Variants in TRPM4 observed in about 807,000 individuals in gnomAD.
TRPM4 encodes calcium-activated non-selective cation channel 1.
TRPM4 carries 124 observed loss-of-function variants against 135.6 expected under a neutral mutation model. The observed-to-expected ratio is 0.91, with a 90% confidence interval of 0.79 to 1.06. The LOEUF (loss-of-function observed/expected upper bound fraction) is 1.06, where lower values mean the gene tolerates loss of function less well. TRPM4 is among the 50% of genes least tolerant of loss of function. TRPM4 has a pLI of 0.00. For missense variants in TRPM4, 1,658 were observed against 1,671.4 expected (o/e 0.99, Z 0.14); for synonymous variants, 745 against 705.6 (o/e 1.06, Z -0.88).
chr19:49,176,805 C>T (rs917220520), intron 9 of TRPM4, among the ~76,000 whole-genome samples: 2 of 152,134 alleles, frequency 1.3e-5, no homozygotes, highest in African/African-American at 4.8e-5. Context: ...GAGCCAAGAT[C>T]GTGCCACTGC....
chr19:49,177,495 T>C (rs1418128852), intron 9 of TRPM4, among the ~76,000 whole-genome samples: 2 of 151,722 alleles, frequency 1.3e-5, no homozygotes, highest in Non-Finnish European at 2.9e-5. Context: ...GCCTGGCTAA[T>C]GTTTGTATTT....
At chr19:49,209,387 G>C (rs1969266854) in intron 20 of TRPM4, among the ~76,000 whole-genome samples, 2 of 152,128 alleles carry the variant, frequency 1.3e-5, no homozygotes, top group Admixed American at 1.3e-4. Flanking sequence ...CACCAGCACA[G>C]CCATCTGGTT....
At chr19:49,177,724 T>G (rs941919241) in intron 9 of TRPM4, among the ~76,000 whole-genome samples, 2 of 152,132 alleles carry the variant, frequency 1.3e-5, no homozygotes, top group Non-Finnish European at 2.9e-5. Flanking sequence ...GCAAGGATTA[T>G]CACCCCATTT....
In TRPM4 at chr19:49,206,735, G is replaced by A. The variant is rs145068761; in HGVS notation, c.3132-3474G>A. Among the ~76,000 whole-genome samples the A allele has an allele frequency of 4.2e-3, 644 of 152,260 alleles. 7 individuals are homozygous for A. The highest frequency in any genetic ancestry group is 0.014 in the African/African-American group (596 of 41,556). ...ATTACAGGTGTGAGCCACCGCGCCC[G>A]GCCAGTTGTTGGAATTTTCCGAGGG... On this transcript the variant is annotated intron_variant, in intron 20 of 24. Coordinates refer to ENST00000252826, the MANE Select transcript of TRPM4 (RefSeq NM_017636.4).
intron 12 of TRPM4, 63 bp from the exon 13 acceptor site, chr19:49,188,578 T>C: frequency 1.9e-6 from 3 of 1,612,850 alleles, no homozygotes; most frequent in Non-Finnish European, 2.5e-6. Flanking sequence ...TTCCCTTGAC[T>C]TCAGGCTTCC....
chr19:49,200,411 G>A lies in TRPM4; in HGVS notation c.2757G>A (p.Lys919=), dbSNP rs747014449. The A allele has an allele frequency of 6.3e-7, 1 of 1,591,112 alleles. No individual in the cohort carries two copies. The highest frequency in any genetic ancestry group is 8.6e-7 in the Non-Finnish European group (1 of 1,165,984). Residue 919 remains lysine, a synonymous_variant, in exon 18 of 25, where the codon AAG becomes AAA. Coordinates refer to ENST00000252826, the MANE Select transcript of TRPM4 (RefSeq NM_017636.4). ...CGGTCAACAAACAGCTGGGGCCCAA[G>A]ATCGTCATCGTGAGCAAGATGGTGA... ...IFTVNKQLGP[K]IVIVSKMMKD...
chr19:49,164,553 A>AT (rs971828630), intron 2 of TRPM4, among the ~76,000 whole-genome samples: 5 of 148,108 alleles, frequency 3.4e-5, no homozygotes, highest in Non-Finnish European at 7.5e-5. Flanking sequence ...TAATTTTTGT[A>AT]TTTTTTTTAG....
chr19:49,207,392 A>G (rs1400906624), intron 20 of TRPM4, among the ~76,000 whole-genome samples: 1 of 151,718 alleles, frequency 6.6e-6, no homozygotes, highest in Non-Finnish European at 1.5e-5. Context: ...TACTTTAGGG[A>G]GCCAAAGTGG....
At position 49,182,932 on chromosome 19, in the gene TRPM4, G is replaced by T. The variant is rs1362028143; in HGVS notation, c.1608+10G>T. On this transcript the variant is annotated intron_variant, in intron 11 of 24. Coordinates refer to ENST00000252826, the MANE Select transcript of TRPM4 (RefSeq NM_017636.4). ...GGGCTTCGGGGAGAGCGTAAGGACC[G>T]GGCAAAGCTGGGGGGCCCCCCCGCG... 3.8e-6 allele frequency: 6 copies of T among 1,584,016 alleles called. No homozygotes were observed. The highest frequency in any genetic ancestry group is 5.1e-6 in the Non-Finnish European group (6 of 1,165,190).
At chr19:49,207,091 T>C (rs762032750) in intron 20 of TRPM4, among the ~76,000 whole-genome samples, 5 of 152,194 alleles carry the variant, frequency 3.3e-5, no homozygotes, top group African/African-American at 4.8e-5. Context: ...CATCTGTGAA[T>C]AGAGATATTT....
intron 9 of TRPM4, among the ~76,000 whole-genome samples, chr19:49,180,906 C>T (rs376925488): frequency 1.3e-3 from 193 of 152,156 alleles, no homozygotes; most frequent in Non-Finnish European, 2.2e-3. Context: ...ATCCATCCAT[C>T]CTTCTATCTG....
At chr19:49,174,397 C>T (rs1169050481) in intron 9 of TRPM4, among the ~76,000 whole-genome samples, 39 of 151,462 alleles carry the variant, frequency 2.6e-4, no homozygotes, top group Admixed American at 2.6e-3. Context: ...ATGATCCATC[C>T]ACCTCGGCCT....
chr19:49,209,225 AT>A (rs373476795), intron 20 of TRPM4, among the ~76,000 whole-genome samples: 50 of 152,102 alleles, frequency 3.3e-4, no homozygotes, highest in African/African-American at 1.1e-3. Flanking sequence ...CTGCTCTGTA[AT>A]TTTCTTGTGA....
intron 2 of TRPM4, among the ~76,000 whole-genome samples, chr19:49,161,388 T>TC (rs1422238982): frequency 4.2e-5 from 6 of 143,038 alleles, no homozygotes; most frequent in African/African-American, 1.5e-4. Context: ...AGTGGCACGA[T>TC]CATGGTTCAC....
At chr19:49,190,162 G>A (rs751647485) in intron 14 of TRPM4, 46 bp from the exon 15 acceptor site, 1 of 1,539,888 alleles carries the variant, frequency 6.5e-7, no homozygotes, top group Admixed American at 1.7e-5. Context: ...CTTAGGGACG[G>A]GGCTGTGGGG....
At chr19:49,177,330 CTTTTTTTTTTTTT>C (rs36041791) in intron 9 of TRPM4, among the ~76,000 whole-genome samples, 1 of 117,272 alleles carries the variant, frequency 8.5e-6, no homozygotes, top group Non-Finnish European at 1.8e-5. Flanking sequence ...ATGAATGCGT[CTTTTTTTTTTTTT>C]TTTTTTTTTG....
intron 2 of TRPM4, among the ~76,000 whole-genome samples, chr19:49,162,169 T>C (rs1168971458): frequency 1.3e-5 from 2 of 152,174 alleles, no homozygotes; most frequent in Admixed American, 6.6e-5. Context: ...CCAGGGCCAC[T>C]TGTGATACAG....
At position 49,202,036 on chromosome 19, in the gene TRPM4, G is replaced by A. The variant is rs771524054; in HGVS notation, c.3026G>A (p.Gly1009Asp). 4 of 1,613,838 alleles carry A rather than the reference G, an allele frequency of 2.5e-6. No individual in the cohort carries two copies. In the African/African-American group the frequency reaches 4.0e-5, roughly 16 times the overall value. The part of the protein sequence containing the change: ...FWAHPPGAQA[G>D]TCVSQYANWL... Reference sequence around the variant, plus strand: ...GCACACCCTCCTGGGGCCCAGGCGGGCACCTGCGTCTCCCAGTATGCCAAC... The same window carrying A: ...GCACACCCTCCTGGGGCCCAGGCGGACACCTGCGTCTCCCAGTATGCCAAC... The change falls in exon 20 of 25, where the codon GGC (glycine) becomes GAC (aspartate). Residue 1009 changes from glycine to aspartate, a missense_variant. Coordinates refer to ENST00000252826, the MANE Select transcript of TRPM4 (RefSeq NM_017636.4).
At chr19:49,206,149 G>A (rs181947069) in intron 20 of TRPM4, among the ~76,000 whole-genome samples, 5 of 151,786 alleles carry the variant, frequency 3.3e-5, no homozygotes, top group South Asian at 4.2e-4. Context: ...TTTTGGTAGA[G>A]ACAGGGTTTC....
Sources: gnomAD v4.1 joint callset for allele counts (sites outside exome capture counted in the v4.1 genomes callset) on GRCh38, gnomAD v4.1.1 for gene constraint, MANE v1.5 for transcripts, NCBI Gene and HGNC (gene_info 2026-07-23, HGNC 2026-07-21) for gene names.